The following UNC5D variants were observed in gnomAD, a reference collection of about 807,000 sequenced individuals.
UNC5D encodes the protein unc-5 netrin receptor D.
UNC5D carries 39 observed loss-of-function variants against 105.4 expected under a neutral mutation model. The observed-to-expected ratio is 0.37, with a 90% CI of 0.29 to 0.48. The LOEUF (loss-of-function observed/expected upper bound fraction) is 0.48. Ranked by LOEUF, UNC5D falls within the 20% of genes least tolerant of loss-of-function variation. The pLI, the probability that UNC5D is intolerant of heterozygous loss-of-function variation, is 0.98. For missense variants in UNC5D, 991 were observed against 1,202.4 expected, an observed-to-expected ratio of 0.82 and a Z score of 2.60; for synonymous variants, 452 against 450.4, an observed-to-expected ratio of 1.00 and a Z score of -0.04.
intron 4 of UNC5D, among the ~76,000 whole-genome samples, chr8:35,641,383 A>AC (rs1291566197): frequency 6.6e-6 from 1 of 150,564 alleles, no homozygotes; most frequent in African/African-American, 2.4e-5. Context: ...AAAAAAAAAA[A>AC]AAGAAAAAAA....
intron 1 of UNC5D, among the ~76,000 whole-genome samples, chr8:35,347,348 A>AT (rs370514180): frequency 0.012 from 1,802 of 152,000 alleles, 40 homozygotes; most frequent in African/African-American, 0.042. Context: ...TTTCTTTGTC[A>AT]TATTTTGAGG....
intron 1 of UNC5D, among the ~76,000 whole-genome samples, chr8:35,470,109 C>T (rs1394093467): frequency 6.6e-6 from 1 of 152,062 alleles, no homozygotes; most frequent in African/African-American, 2.4e-5. Flanking sequence ...AAACATTCAG[C>T]CAGGAGCTAA....
At chr8:35,526,245 G>T (rs1813862838) in intron 1 of UNC5D, among the ~76,000 whole-genome samples, 1 of 152,080 alleles carries the variant, frequency 6.6e-6, no homozygotes, top group Non-Finnish European at 1.5e-5. Flanking sequence ...CCAAACCCAG[G>T]GTCCACATTT....
At chr8:35,524,962 TGTTA>T (rs1813759803) in intron 1 of UNC5D, among the ~76,000 whole-genome samples, 1 of 144,508 alleles carries the variant, frequency 6.9e-6, no homozygotes, top group South Asian at 2.4e-4. Flanking sequence ...GACCGAAGTC[TGTTA>T]GTCAAGTAAT....
intron 10 of UNC5D, among the ~76,000 whole-genome samples, chr8:35,730,358 A>T (rs969924504): frequency 6.6e-6 from 1 of 152,280 alleles, no homozygotes. Context: ...TTCCAATCTG[A>T]CATTGACATG....
At chr8:35,730,471 G>A (rs746905393) in intron 10 of UNC5D, among the ~76,000 whole-genome samples, 3 of 152,138 alleles carry the variant, frequency 2.0e-5, no homozygotes, top group Non-Finnish European at 2.9e-5. Context: ...TACATCAGAT[G>A]CTTTCACTTT....
At chr8:35,455,764 T>A (rs1337789178) in intron 1 of UNC5D, among the ~76,000 whole-genome samples, 3 of 151,306 alleles carry the variant, frequency 2.0e-5, no homozygotes, top group Non-Finnish European at 4.4e-5. Flanking sequence ...AAAAGGCACA[T>A]CTTACATGGT....
chr8:35,441,795 G>A (rs898099743), intron 1 of UNC5D, among the ~76,000 whole-genome samples: 4 of 151,228 alleles, frequency 2.6e-5, no homozygotes, highest in Non-Finnish European at 4.4e-5. Flanking sequence ...TGGGAGGAAC[G>A]AAGGAGAATC....
intron 1 of UNC5D, among the ~76,000 whole-genome samples, chr8:35,313,290 A>G (rs1264192953): frequency 6.6e-6 from 1 of 152,148 alleles, no homozygotes; most frequent in East Asian, 1.9e-4. Context: ...TGGAGTGTGT[A>G]ATAATGTCCT....
intron 1 of UNC5D, among the ~76,000 whole-genome samples, chr8:35,519,918 G>C (rs1813347659): frequency 6.6e-6 from 1 of 152,092 alleles, no homozygotes; most frequent in African/African-American, 2.4e-5. Flanking sequence ...ATGATAATAA[G>C]TGTTTGCAAG....
At chr8:35,279,433 G>A (rs905967597) in intron 1 of UNC5D, among the ~76,000 whole-genome samples, 4 of 152,220 alleles carry the variant, frequency 2.6e-5, no homozygotes, top group African/African-American at 7.2e-5. Flanking sequence ...TCCAGAGAAT[G>A]TAAAAATAAT....
intron 7 of UNC5D, among the ~76,000 whole-genome samples, chr8:35,705,496 A>C (rs1827515969): frequency 6.6e-6 from 1 of 152,216 alleles, no homozygotes; most frequent in African/African-American, 2.4e-5. Context: ...CCAGTCTGTG[A>C]TCACTGCAAA....
intron 4 of UNC5D, among the ~76,000 whole-genome samples, chr8:35,681,125 A>T (rs1400291743): frequency 6.6e-6 from 1 of 152,208 alleles, no homozygotes; most frequent in Non-Finnish European, 1.5e-5. Flanking sequence ...AGAGGCAAGA[A>T]TAGAAGCCAC....
At chr8:35,534,600 T>C (rs576829883) in intron 1 of UNC5D, among the ~76,000 whole-genome samples, 1 of 151,726 alleles carries the variant, frequency 6.6e-6, no homozygotes, top group East Asian at 2.0e-4. Flanking sequence ...TCAAAATAGC[T>C]CTGTTTACTC....
chr8:35,495,044 T>A (rs1193370331), intron 1 of UNC5D, among the ~76,000 whole-genome samples: 1 of 151,954 alleles, frequency 6.6e-6, no homozygotes, highest in African/African-American at 2.4e-5. Flanking sequence ...AGGGGACCGA[T>A]CCAGTGAGGG....
Position 35,595,628 on chromosome 8 carries a change from C to G in UNC5D, c.541C>G (p.Arg181Gly). Residue 181 changes from arginine (R) to glycine (G), a missense_variant, in exon 4 of 17, where the codon CGC (arginine) becomes GGC (glycine). By Grantham distance (125) the Arg-to-Gly change is moderately radical. Coordinates refer to ENST00000404895, the MANE Select transcript of UNC5D (RefSeq NM_080872.4). ...PIEGMIVLHC[R>G]PPEGVPAAEV... ...TGAAGGCATGATTGTACTGCACTGC[C>G]GCCCACCAGAGGGAGTCCCTGCTGC... is the stretch of plus-strand genomic sequence containing the variant. The G allele has an allele frequency of 1.9e-6, 3 of 1,614,012 alleles. No homozygotes were observed. Among genetic ancestry groups the G allele is most frequent in the Non-Finnish European group, 2.5e-6 (3 of 1,179,962 alleles).
intron 1 of UNC5D, among the ~76,000 whole-genome samples, chr8:35,401,274 A>C (rs1253272598): frequency 6.6e-6 from 1 of 152,194 alleles, no homozygotes; most frequent in African/African-American, 2.4e-5. Flanking sequence ...ACCTGAGGTC[A>C]GGAGTTTGAG....
At chr8:35,598,917 T>C (rs956108937) in intron 4 of UNC5D, among the ~76,000 whole-genome samples, 1 of 151,450 alleles carries the variant, frequency 6.6e-6, no homozygotes, top group African/African-American at 2.4e-5. Context: ...CCAAGGCGGG[T>C]GGATCGCCTG....
At chr8:35,376,489 T>C (rs1802706891) in intron 1 of UNC5D, among the ~76,000 whole-genome samples, 1 of 152,130 alleles carries the variant, frequency 6.6e-6, no homozygotes, top group Non-Finnish European at 1.5e-5. Context: ...GAAAGAACAC[T>C]GGGCTAAAAA....
Sources: gnomAD v4.1 joint callset for allele counts (sites outside exome capture counted in the v4.1 genomes callset) on GRCh38, gnomAD v4.1.1 for gene constraint, MANE v1.5 for transcripts, NCBI Gene and HGNC (gene_info 2026-07-23, HGNC 2026-07-21) for gene names.